CNIH3: variants seen among roughly 807,000 people sequenced by gnomAD.
The protein encoded by CNIH3 is protein cornichon homolog 3.
A neutral mutation model predicts 24.1 loss-of-function variants in CNIH3; 14 were observed. The ratio of observed to expected loss-of-function variants is 0.58; its 90% CI spans 0.38 to 0.91. The LOEUF is 0.91. CNIH3 is among the 40% of genes least tolerant of loss of function. CNIH3 has a pLI of 0.00. For synonymous variants in CNIH3, 68 were observed against 73.8 expected (o/e 0.92, Z 0.40); for missense variants, 178 against 196.8 (o/e 0.90, Z 0.57).
At chr1:224,615,259 C>T (rs751830336), upstream of CNIH3, 2 of 152,132 alleles carry the variant, frequency 1.3e-5, no homozygotes, top group Admixed American at 1.3e-4. Context: ...AGTGCGTCTA[C>T]TCTTTCACCG....
At chr1:224,464,389 C>A (rs1366408179) in intron 1 of CNIH3, among the ~76,000 whole-genome samples, 13 of 152,232 alleles carry the variant, frequency 8.5e-5, no homozygotes, top group Admixed American at 8.5e-4. Context: ...CCTCAGCCTC[C>A]CAGGTAGCTG....
Position 224,617,145 on chromosome 1 carries a change from C to A in CNIH3, c.-30C>A, listed in dbSNP as rs755819129. 6.2e-7 allele frequency: 1 copy of A among 1,611,536 alleles called. No homozygotes were observed. Among genetic ancestry groups the A allele is most frequent in the Non-Finnish European group, 8.5e-7 (1 of 1,178,806 alleles). Reference sequence around the variant, plus strand: ...CATCGGGCTCCTAGGGGCTTCTTGGCGTGTGTGGTGGGATTGGGGTCCGCC... The same window carrying A: ...CATCGGGCTCCTAGGGGCTTCTTGGAGTGTGTGGTGGGATTGGGGTCCGCC... On this transcript the variant is annotated 5_prime_UTR_variant, in exon 1 of 6. Transcript: ENST00000272133.
At chr1:224,628,015 C>T (rs1474592180) in intron 1 of CNIH3, among the ~76,000 whole-genome samples, 1 of 151,466 alleles carries the variant, frequency 6.6e-6, no homozygotes, top group Non-Finnish European at 1.5e-5. Context: ...ACCTCTGCCT[C>T]TGGAATGTGT....
At chr1:224,584,020 T>A (rs1681388697) in intron 5 of CNIH3, among the ~76,000 whole-genome samples, 2 of 152,236 alleles carry the variant, frequency 1.3e-5, no homozygotes, top group Admixed American at 1.3e-4. Context: ...CACTCACCAC[T>A]GCATTAGCCT....
chr1:224,459,316 C>T, intron 1 of CNIH3: 1 of 681,470 alleles, frequency 1.5e-6, no homozygotes. Context: ...ACTGTTTATT[C>T]CGGGTCTTTA....
intron 2 of CNIH3, among the ~76,000 whole-genome samples, chr1:224,682,569 T>C (rs1238641692): frequency 2.0e-5 from 3 of 152,276 alleles, no homozygotes; most frequent in East Asian, 3.8e-4. Context: ...CTTATAACTA[T>C]TAAAATCCAT....
chr1:224,479,208 C>A (rs912789006), intron 1 of CNIH3, among the ~76,000 whole-genome samples: 2 of 121,504 alleles, frequency 1.6e-5, no homozygotes. Context: ...AGCTGGAGTG[C>A]AATGGCGCAA....
At chr1:224,439,700 C>T (rs1674809527) in intron 1 of CNIH3, among the ~76,000 whole-genome samples, 1 of 152,138 alleles carries the variant, frequency 6.6e-6, no homozygotes, top group African/African-American at 2.4e-5. Context: ...CAACCTCAGC[C>T]TCCCAGGTTC....
chr1:224,729,232 G>A (rs1689191213), intron 3 of CNIH3, among the ~76,000 whole-genome samples: 2 of 151,960 alleles, frequency 1.3e-5, no homozygotes, highest in Non-Finnish European at 1.5e-5. Flanking sequence ...CCAACATGGT[G>A]AAACCCCCTT....
chr1:224,681,637 C>T (rs1412477949), intron 2 of CNIH3, among the ~76,000 whole-genome samples: 5 of 152,174 alleles, frequency 3.3e-5, no homozygotes, highest in Non-Finnish European at 5.9e-5. Context: ...GCTTGGCAGG[C>T]CCTACATGCT....
At chr1:224,729,352 G>C (rs1307770615) in intron 3 of CNIH3, among the ~76,000 whole-genome samples, 2 of 143,924 alleles carry the variant, frequency 1.4e-5, no homozygotes, top group South Asian at 2.3e-4. Flanking sequence ...GCAGAGGTTA[G>C]AGTGAGCCAA....
chr1:224,480,692 A>C (rs1302110853), intron 1 of CNIH3, among the ~76,000 whole-genome samples: 1 of 152,202 alleles, frequency 6.6e-6, no homozygotes, highest in Non-Finnish European at 1.5e-5. Flanking sequence ...AAACATAACA[A>C]GAGTCATTTT....
intron 1 of CNIH3, among the ~76,000 whole-genome samples, chr1:224,507,181 G>T (rs978081476): frequency 6.6e-6 from 1 of 152,082 alleles, no homozygotes; most frequent in Admixed American, 6.5e-5. Context: ...TCTTATAAAC[G>T]TATCAACATG....
chr1:224,710,731 C>A (rs950671412), intron 3 of CNIH3, among the ~76,000 whole-genome samples: 1 of 152,158 alleles, frequency 6.6e-6, no homozygotes, highest in Non-Finnish European at 1.5e-5. Flanking sequence ...ATTTGAGATC[C>A]TCATGCCATT....
At chr1:224,572,743 T>C (rs1230168225) in intron 4 of CNIH3, among the ~76,000 whole-genome samples, 1 of 152,112 alleles carries the variant, frequency 6.6e-6, no homozygotes, top group Non-Finnish European at 1.5e-5. Context: ...CAATGTTAAG[T>C]CTGCCAATCC....
chr1:224,531,451 G>T (rs1679066676), intron 2 of CNIH3, among the ~76,000 whole-genome samples: 1 of 152,206 alleles, frequency 6.6e-6, no homozygotes, highest in Non-Finnish European at 1.5e-5. Flanking sequence ...TTTCTAGGGA[G>T]AGCAGTGTTA....
intron 3 of CNIH3, among the ~76,000 whole-genome samples, chr1:224,689,563 C>G (rs1686830510): frequency 6.6e-6 from 1 of 152,202 alleles, no homozygotes; most frequent in Admixed American, 6.5e-5. Flanking sequence ...GATTCCCAAG[C>G]TGTGAGCACA....
At chr1:224,590,320 GT>G (rs1031769759), downstream of CNIH3, among the ~76,000 whole-genome samples, 1 of 152,202 alleles carries the variant, frequency 6.6e-6, no homozygotes, top group African/African-American at 2.4e-5. Context: ...CCTTTGGGTT[GT>G]TTTGCCTCTA....
intron 1 of CNIH3, among the ~76,000 whole-genome samples, chr1:224,445,221 G>A (rs1228243882): frequency 6.6e-6 from 1 of 151,882 alleles, no homozygotes; most frequent in Middle Eastern, 3.2e-3. Flanking sequence ...TTGCTATTTG[G>A]ATGTTTTCTT....
Sources: gnomAD v4.1 joint callset for allele counts (sites outside exome capture counted in the v4.1 genomes callset) on GRCh38, gnomAD v4.1.1 for gene constraint, MANE v1.5 for transcripts, NCBI Gene and HGNC (gene_info 2026-07-23, HGNC 2026-07-21) for gene names.